HS6ST3: variants seen among roughly 807,000 people sequenced by gnomAD.
HS6ST3 encodes heparan-sulfate 6-O-sulfotransferase 3.
HS6ST3 carries 12 observed loss-of-function variants against 36.7 expected under a neutral mutation model. The ratio of observed to expected loss-of-function variants is 0.33; its 90% CI spans 0.21 to 0.53. The LOEUF (loss-of-function observed/expected upper bound fraction) is 0.53. Among genes scored for constraint, HS6ST3 ranks in the 20% least tolerant of loss-of-function variants. HS6ST3 has a pLI of 0.95. For missense variants in HS6ST3, 584 were observed against 640.9 expected, an observed-to-expected ratio of 0.91 and a Z score of 0.96; for synonymous variants, 240 against 257.5, an observed-to-expected ratio of 0.93 and a Z score of 0.65.
At chr13:96,803,481 A>G (rs746825644) in intron 1 of HS6ST3, among the ~76,000 whole-genome samples, 3 of 152,208 alleles carry the variant, frequency 2.0e-5, no homozygotes, top group Non-Finnish European at 4.4e-5. Context: ...GTTAGGAAAT[A>G]GAAACCATTA....
At chr13:96,128,204 C>A (rs568270190) in intron 1 of HS6ST3, among the ~76,000 whole-genome samples, 1 of 152,176 alleles carries the variant, frequency 6.6e-6, no homozygotes, top group East Asian at 1.9e-4. Flanking sequence ...GGATGACCTA[C>A]GGGTGGGATC....
chr13:96,838,544 A>T lies in HS6ST3; in HGVS notation c.*5346A>T, dbSNP rs1878992966. ...AGGGCTGGCTGGGTCTGATGATTCTACCCATTTTGTGCCATCTGAGGAGCA... is the reference window on the plus strand; with the variant it reads ...AGGGCTGGCTGGGTCTGATGATTCTTCCCATTTTGTGCCATCTGAGGAGCA... On this transcript the variant is annotated 3_prime_UTR_variant, in exon 2 of 2. Transcript: ENST00000376705. 6.6e-6 allele frequency: 1 copy of T among 152,246 alleles called. No individual in the cohort carries two copies. Among genetic ancestry groups the T allele is most frequent in the Admixed American group, 6.5e-5 (1 of 15,280 alleles). 9.4% of individuals were successfully genotyped at this position (152,246 alleles called of 1,614,324 possible). A position where few individuals can be genotyped will look rare whatever the true frequency, so the allele number is the denominator to read the frequency against.
At chr13:96,205,173 C>G (rs2054363719) in intron 1 of HS6ST3, among the ~76,000 whole-genome samples, 1 of 152,042 alleles carries the variant, frequency 6.6e-6, no homozygotes, top group Non-Finnish European at 1.5e-5. Flanking sequence ...GAAATACAAA[C>G]AACCATCAGA....
At chr13:96,452,594 A>G (rs2055733581) in intron 1 of HS6ST3, among the ~76,000 whole-genome samples, 1 of 152,136 alleles carries the variant, frequency 6.6e-6, no homozygotes, top group Admixed American at 6.6e-5. Context: ...AGGAATCACA[A>G]AAGTCTTGTG....
intron 1 of HS6ST3, among the ~76,000 whole-genome samples, chr13:96,451,777 T>C (rs1452031884): frequency 6.6e-6 from 1 of 152,182 alleles, no homozygotes; most frequent in Non-Finnish European, 1.5e-5. Flanking sequence ...ATAGATATTT[T>C]TGTGATAATG....
chr13:96,184,459 C>T (rs562940710), intron 1 of HS6ST3, among the ~76,000 whole-genome samples: 6 of 152,236 alleles, frequency 3.9e-5, no homozygotes, highest in African/African-American at 1.4e-4. Context: ...TCCATCCCTG[C>T]GTCTTGGTGA....
intron 1 of HS6ST3, among the ~76,000 whole-genome samples, chr13:96,304,986 C>A (rs2054905091): frequency 6.6e-6 from 1 of 151,998 alleles, no homozygotes; most frequent in Non-Finnish European, 1.5e-5. Context: ...GGATTACAGG[C>A]ATGAGCCACT....
intron 1 of HS6ST3, among the ~76,000 whole-genome samples, chr13:96,125,541 C>T (rs2139308590): frequency 6.6e-6 from 1 of 152,158 alleles, no homozygotes; most frequent in Admixed American, 6.5e-5. Context: ...CATACTATAT[C>T]TTCATATCTT....
intron 1 of HS6ST3, among the ~76,000 whole-genome samples, chr13:96,339,364 A>C (rs1303339407): frequency 6.6e-6 from 1 of 152,108 alleles, no homozygotes; most frequent in Non-Finnish European, 1.5e-5. Flanking sequence ...TTTACACAGG[A>C]GATAAAATGG....
At chr13:96,797,606 G>C (rs1249222901) in intron 1 of HS6ST3, among the ~76,000 whole-genome samples, 1 of 152,030 alleles carries the variant, frequency 6.6e-6, no homozygotes, top group Non-Finnish European at 1.5e-5. Context: ...TTGAGAATGA[G>C]GTTATGGGAA....
At chr13:96,139,409 C>G (rs1163769857) in intron 1 of HS6ST3, among the ~76,000 whole-genome samples, 1 of 151,702 alleles carries the variant, frequency 6.6e-6, no homozygotes, top group Admixed American at 6.6e-5. Context: ...CCCTACATCC[C>G]TGTTATAATG....
At chr13:96,820,824 C>T (rs1232950660) in intron 1 of HS6ST3, among the ~76,000 whole-genome samples, 4 of 152,234 alleles carry the variant, frequency 2.6e-5, no homozygotes, top group Non-Finnish European at 4.4e-5. Context: ...TGAATACAGG[C>T]TTTGGGACAG....
chr13:96,611,023 A>C (rs974963384), intron 1 of HS6ST3, among the ~76,000 whole-genome samples: 2 of 151,746 alleles, frequency 1.3e-5, no homozygotes, highest in African/African-American at 2.4e-5. Context: ...CAAAGACCAG[A>C]GACATATCAA....
intron 1 of HS6ST3, among the ~76,000 whole-genome samples, chr13:96,354,809 TGAAG>T (rs2055201610): frequency 6.6e-6 from 1 of 152,174 alleles, no homozygotes; most frequent in African/African-American, 2.4e-5. Flanking sequence ...TAAAATCGAA[TGAAG>T]GAACTACTTG....
At chr13:96,763,598 A>G (rs896575292) in intron 1 of HS6ST3, among the ~76,000 whole-genome samples, 2 of 152,070 alleles carry the variant, frequency 1.3e-5, no homozygotes, top group South Asian at 4.1e-4. Context: ...TTATAAAATG[A>G]GGCAGCATTA....
At chr13:96,535,636 G>T (rs2056152575) in intron 1 of HS6ST3, among the ~76,000 whole-genome samples, 1 of 151,950 alleles carries the variant, frequency 6.6e-6, no homozygotes, top group Non-Finnish European at 1.5e-5. Context: ...TATGCATGGA[G>T]ATCTGGTTCT....
At chr13:96,412,114 C>T (rs767247162) in intron 1 of HS6ST3, among the ~76,000 whole-genome samples, 2 of 152,048 alleles carry the variant, frequency 1.3e-5, no homozygotes, top group African/African-American at 2.4e-5. Context: ...AAGCGATTCT[C>T]CTGCCTCAGC....
intron 1 of HS6ST3, among the ~76,000 whole-genome samples, chr13:96,819,355 G>C (rs1251608502): frequency 1.3e-5 from 2 of 152,140 alleles, no homozygotes; most frequent in Admixed American, 1.3e-4. Context: ...TATTATTTAA[G>C]AATGATTCTT....
intron 1 of HS6ST3, among the ~76,000 whole-genome samples, chr13:96,526,666 C>T (rs538149109): frequency 5.8e-4 from 88 of 152,250 alleles, no homozygotes; most frequent in African/African-American, 2.1e-3. Flanking sequence ...TTAAGTTGAA[C>T]CCTTTTCTTA....
Sources: allele counts gnomAD v4.1 joint callset (sites outside exome capture counted in the v4.1 genomes callset), GRCh38; gene constraint gnomAD v4.1.1; transcripts MANE v1.5; gene names NCBI Gene and HGNC (gene_info 2026-07-23, HGNC 2026-07-21).